Variants in AUH observed in about 807,000 individuals in gnomAD.
The protein encoded by AUH is AU RNA binding methylglutaconyl-CoA hydratase, also known as methylglutaconyl-CoA hydratase, mitochondrial.
In AUH, 29 loss-of-function variants were observed where a neutral mutation model predicts 42.3. That is an observed-to-expected ratio of 0.69 (90% CI 0.51 to 0.93). The LOEUF (loss-of-function observed/expected upper bound fraction) is 0.93, where lower values mean the gene tolerates loss of function less well. Ranked by LOEUF, AUH falls within the 40% of genes least tolerant of loss-of-function variation. AUH has a pLI of 0.00. For missense variants in AUH, 452 were observed against 438.1 expected, an observed-to-expected ratio of 1.03 and a Z score of -0.28; for synonymous variants, 174 against 166.4, an observed-to-expected ratio of 1.05 and a Z score of -0.35.
chr9:91,234,537 C>T (rs1263890552), intron 6 of AUH, among the ~76,000 whole-genome samples: 1 of 152,060 alleles, frequency 6.6e-6, no homozygotes, highest in Non-Finnish European at 1.5e-5. Flanking sequence ...AAAGACGAAT[C>T]ATACAATAAT....
chr9:91,234,066 T>C (rs1227359582), intron 6 of AUH, among the ~76,000 whole-genome samples: 1 of 152,210 alleles, frequency 6.6e-6, no homozygotes, highest in Non-Finnish European at 1.5e-5. Flanking sequence ...GTTCCCCAAA[T>C]GATTTGAATG....
intron 4 of AUH, among the ~76,000 whole-genome samples, chr9:91,308,703 CAG>C (rs1356953761): frequency 1.3e-5 from 2 of 151,842 alleles, no homozygotes; most frequent in Non-Finnish European, 2.9e-5. Context: ...AAAAAAGACA[CAG>C]TGAACATAAA....
At chr9:91,232,386 T>G (rs1827938844) in intron 6 of AUH, among the ~76,000 whole-genome samples, 1 of 152,090 alleles carries the variant, frequency 6.6e-6, no homozygotes, top group African/African-American at 2.4e-5. Flanking sequence ...AATATAAAAA[T>G]GAAAACAAAA....
chr9:91,339,308 C>T (rs1830926479), intron 3 of AUH, among the ~76,000 whole-genome samples: 1 of 152,166 alleles, frequency 6.6e-6, no homozygotes, highest in South Asian at 2.1e-4. Context: ...TAAGTCAAAC[C>T]ATCATTAAGT....
At position 91,295,981 on chromosome 9, in the gene AUH, C is replaced by T. The variant is rs372190904; in HGVS notation, c.655+40G>A. ...TTGCCTTATGCCCTGTTTCTAGGAC[C>T]AAATCAAGGATTTGAGGAATGGGCG... On this transcript the variant is annotated intron_variant, in intron 6 of 9. Coordinates refer to ENST00000375731, the MANE Select transcript of AUH (RefSeq NM_001698.3). The T allele has an allele frequency of 1.6e-5, 25 of 1,609,702 alleles. No homozygotes were observed. In the African/African-American group the frequency reaches 2.9e-4, roughly 19 times the overall value.
intron 5 of AUH, 128 bp downstream of exon 5, chr9:91,297,856 C>A (rs1827472599): frequency 1.2e-6 from 1 of 813,528 alleles, no homozygotes; most frequent in African/African-American, 1.7e-5. Context: ...ACCATTAGGA[C>A]CAACAAGTGA....
intron 6 of AUH, among the ~76,000 whole-genome samples, chr9:91,288,697 G>A (rs1205740886): frequency 1.3e-5 from 2 of 151,926 alleles, no homozygotes; most frequent in Non-Finnish European, 2.9e-5. Flanking sequence ...TACTTAAGGA[G>A]GTTCGATTTT....
At chr9:91,313,102 CAGAGT>C (rs1177699540) in intron 4 of AUH, among the ~76,000 whole-genome samples, 1 of 152,082 alleles carries the variant, frequency 6.6e-6, no homozygotes, top group Non-Finnish European at 1.5e-5. Flanking sequence ...AGGGTTAAAG[CAGAGT>C]AGACTTACTG....
rs191748720 is a variant in AUH, at chr9:91,294,555, A to G, written c.655+1466T>C. 12 of 367,098 alleles carry G rather than the reference A, an allele frequency of 3.3e-5. No individual in the cohort carries two copies. In the East Asian group the frequency reaches 8.8e-4, roughly 27 times the overall value. The allele number at this position is 367,098 out of a possible 1,614,324, so 22.7% of individuals were successfully genotyped here. A position where few individuals can be genotyped will look rare whatever the true frequency, so the allele number is the denominator to read the frequency against. On this transcript the variant is annotated intron_variant, in intron 6 of 9. Coordinates refer to ENST00000375731, the MANE Select transcript of AUH (RefSeq NM_001698.3). ...GAGCGAGACTCCGTCTCAAAAAAAC[A>G]AAACAAAACAAAAACCACATTTCAT... is the stretch of plus-strand genomic sequence containing the variant.
chr9:91,277,091 G>A (rs1035247218), intron 6 of AUH, among the ~76,000 whole-genome samples: 1 of 152,152 alleles, frequency 6.6e-6, no homozygotes, highest in Non-Finnish European at 1.5e-5. Flanking sequence ...TTGGAATGCC[G>A]AGATGGGAAG....
intron 6 of AUH, among the ~76,000 whole-genome samples, chr9:91,275,287 A>G (rs929400880): frequency 2.6e-5 from 4 of 152,208 alleles, no homozygotes. Flanking sequence ...ATCACCACGG[A>G]GCAACAGGTG....
rs548222787 is a variant in AUH, at chr9:91,250,188, C to T, written c.656-29196G>A. 5.3e-4 allele frequency among the ~76,000 whole-genome samples: 81 copies of T among 152,268 alleles called. 1 individual carries two copies. Among genetic ancestry groups the T allele is most frequent in the African/African-American group, 1.9e-3 (78 of 41,544 alleles). Reference sequence around the variant, plus strand: ...GCCTGGAGTCCCGGAGGTCTGAGACCGCACCTGCTGCCCAGCACATGGCAG... The same window carrying T: ...GCCTGGAGTCCCGGAGGTCTGAGACTGCACCTGCTGCCCAGCACATGGCAG... On this transcript the variant is annotated intron_variant, in intron 6 of 9. Transcript: ENST00000375731.
intron 3 of AUH, among the ~76,000 whole-genome samples, chr9:91,345,694 G>A (rs1160662432): frequency 2.6e-5 from 4 of 151,912 alleles, no homozygotes; most frequent in Admixed American, 6.6e-5. Context: ...TTAGCCGGGC[G>A]TGGTGGCGAG....
chr9:91,334,501 C>CACCCCACTGCTAGAGGTGGG (rs1554716943), intron 3 of AUH, among the ~76,000 whole-genome samples: 1 of 152,200 alleles, frequency 6.6e-6, no homozygotes, highest in African/African-American at 2.4e-5. Flanking sequence ...CACTGGCTCC[C>CACCCCACTGCTAGAGGTGGG]ATGAATCTCA....
intron 6 of AUH, among the ~76,000 whole-genome samples, chr9:91,246,942 A>C (rs2131366538): frequency 6.6e-6 from 1 of 152,352 alleles, no homozygotes; most frequent in African/African-American, 2.4e-5. Context: ...CAGCGGAGCC[A>C]TGCCAGCAAT....
At chr9:91,351,081 C>T (rs533565751) in intron 3 of AUH, among the ~76,000 whole-genome samples, 2 of 152,074 alleles carry the variant, frequency 1.3e-5, no homozygotes, top group Non-Finnish European at 2.9e-5. Context: ...GCGACTCTCC[C>T]ACCTAAGCCT....
chr9:91,244,009 CAAATT>C (rs1210330443), intron 6 of AUH, among the ~76,000 whole-genome samples: 1 of 152,130 alleles, frequency 6.6e-6, no homozygotes, highest in African/African-American at 2.4e-5. Context: ...TTACTGGAAA[CAAATT>C]ATATTATAAA....
chr9:91,277,567 T>A (rs538926316), intron 6 of AUH, among the ~76,000 whole-genome samples: 3 of 152,116 alleles, frequency 2.0e-5, no homozygotes, highest in South Asian at 4.1e-4. Flanking sequence ...TATAATATAA[T>A]AATTTTAGGG....
intron 6 of AUH, among the ~76,000 whole-genome samples, chr9:91,243,042 C>T (rs1828605819): frequency 6.6e-6 from 1 of 152,172 alleles, no homozygotes; most frequent in Non-Finnish European, 1.5e-5. Flanking sequence ...GAATACATTA[C>T]TCTTATAATG....
Sources: gnomAD v4.1 joint callset for allele counts (sites outside exome capture counted in the v4.1 genomes callset) on GRCh38, gnomAD v4.1.1 for gene constraint, MANE v1.5 for transcripts, NCBI Gene and HGNC (gene_info 2026-07-23, HGNC 2026-07-21) for gene names.